The following RAP1GAP2 variants were observed in gnomAD, a reference collection of about 807,000 sequenced individuals.
RAP1GAP2 encodes the protein rap1 GTPase-activating protein 2.
A neutral mutation model predicts 95.0 loss-of-function variants in RAP1GAP2; 27 were observed. That is an observed-to-expected ratio of 0.28 (90% CI 0.21 to 0.39). RAP1GAP2 has a LOEUF of 0.39. Ranked by LOEUF, RAP1GAP2 falls within the 10% of genes least tolerant of loss-of-function variation. The probability of loss-of-function intolerance (pLI) is 1.00; values close to 1 mark genes in which losing one functional copy is unlikely to be tolerated. For missense variants in RAP1GAP2, 771 were observed against 970.0 expected (o/e 0.79, Z 2.72); for synonymous variants, 373 against 380.9 (o/e 0.98, Z 0.24).
At chr17:2,806,458 T>C (rs2069523325) in intron 2 of RAP1GAP2, among the ~76,000 whole-genome samples, 1 of 151,010 alleles carries the variant, frequency 6.6e-6, no homozygotes. Context: ...AGTGGTGAAA[T>C]TTCGGCTCAC....
chr17:2,977,746 T>TAAA (rs35219186), intron 8 of RAP1GAP2, among the ~76,000 whole-genome samples: 3 of 76,856 alleles, frequency 3.9e-5, no homozygotes, highest in South Asian at 4.4e-4. Context: ...GACTCCGTCT[T>TAAA]AAAAAAAAAA....
chr17:2,850,201 C>T (rs970989822), intron 2 of RAP1GAP2, among the ~76,000 whole-genome samples: 3 of 150,880 alleles, frequency 2.0e-5, no homozygotes, highest in East Asian at 2.0e-4. Context: ...GGGGTTTCAC[C>T]ATGTTAGCCA....
rs997878223 is a variant in RAP1GAP2, at chr17:2,855,402, A to G, written c.81-49882A>G. Reference sequence around the variant, plus strand: ...AAACACTTGCTAATCTTCCTTTTGTAATTAAGAGAGAGCAGACCTCCGGCT... The same window carrying G: ...AAACACTTGCTAATCTTCCTTTTGTGATTAAGAGAGAGCAGACCTCCGGCT... On this transcript the variant is annotated intron_variant, in intron 2 of 24. Transcript: ENST00000254695. The surrounding 1 kb of genome is among the most constrained non-coding windows in gnomAD (Gnocchi z 4.3). Among the ~76,000 whole-genome samples, 1 of 152,178 alleles carries G rather than the reference A, an allele frequency of 6.6e-6. No individual in the cohort carries two copies. Among genetic ancestry groups the G allele is most frequent in the Non-Finnish European group, 1.5e-5 (1 of 68,040 alleles).
intron 2 of RAP1GAP2, among the ~76,000 whole-genome samples, chr17:2,860,996 G>A (rs1217822030): frequency 6.6e-6 from 1 of 152,028 alleles, no homozygotes; most frequent in Admixed American, 6.6e-5. Flanking sequence ...CCAACTTGTC[G>A]TCCTTTCCTC....
At chr17:2,850,648 G>A (rs1286143503) in intron 2 of RAP1GAP2, among the ~76,000 whole-genome samples, 1 of 150,538 alleles carries the variant, frequency 6.6e-6, no homozygotes, top group East Asian at 2.0e-4. Flanking sequence ...TACTCGGGAG[G>A]CTGAGGCAGG....
intron 10 of RAP1GAP2, among the ~76,000 whole-genome samples, chr17:2,981,644 G>C: frequency 6.6e-6 from 1 of 152,170 alleles, no homozygotes; most frequent in East Asian, 1.9e-4. Context: ...ACACCAAGAA[G>C]AGAAAGGCCA....
At position 2,965,196 on chromosome 17, in the gene RAP1GAP2, G is replaced by A. The variant is rs1476289458; in HGVS notation, c.493-344G>A. On this transcript the variant is annotated intron_variant, in intron 7 of 24. Coordinates refer to ENST00000254695, the MANE Select transcript of RAP1GAP2 (RefSeq NM_015085.5). The surrounding 1 kb of genome is among the most constrained non-coding windows in gnomAD (Gnocchi z 4.7). Reference sequence around the variant, plus strand: ...CCCTTCAGAGTCAAGACAGCTGTGCGTTTGAACCCTGGATCTGTCCCTTAC... The same window carrying A: ...CCCTTCAGAGTCAAGACAGCTGTGCATTTGAACCCTGGATCTGTCCCTTAC... 4 of 267,234 alleles carry A rather than the reference G, an allele frequency of 1.5e-5. No individual in the cohort carries two copies. Among genetic ancestry groups the A allele is most frequent in the Non-Finnish European group, 2.9e-5 (4 of 138,156 alleles). 16.6% of individuals were successfully genotyped at this position (267,234 alleles called of 1,614,324 possible). A position where few individuals can be genotyped will look rare whatever the true frequency, so the allele number is the denominator to read the frequency against.
At chr17:2,998,424 C>A in intron 14 of RAP1GAP2, 48 bp downstream of exon 14, 1 of 1,591,210 alleles carries the variant, frequency 6.3e-7, no homozygotes, top group Non-Finnish European at 8.6e-7. Flanking sequence ...CGACACCTCA[C>A]CCTGTGTGGA....
chr17:2,938,222 G>A (rs920582619), intron 3 of RAP1GAP2, among the ~76,000 whole-genome samples: 1 of 152,126 alleles, frequency 6.6e-6, no homozygotes, highest in Non-Finnish European at 1.5e-5. Flanking sequence ...AGAAACTGAG[G>A]CTCAGAGGCT....
At chr17:2,776,928 C>T (rs1252469042), upstream of RAP1GAP2, 1 of 152,998 alleles carries the variant, frequency 6.5e-6, no homozygotes, top group Non-Finnish European at 1.5e-5. Context: ...GAGGCAGCCG[C>T]GCGCCAGGCG....
intron 3 of RAP1GAP2, among the ~76,000 whole-genome samples, chr17:2,945,351 C>T (rs1394223711): frequency 2.0e-5 from 3 of 152,162 alleles, no homozygotes. Context: ...ATTTTGCAGA[C>T]TTCCTTTATC....
At chr17:2,925,130 G>A (rs1490890305) in intron 3 of RAP1GAP2, among the ~76,000 whole-genome samples, 1 of 152,160 alleles carries the variant, frequency 6.6e-6, no homozygotes, top group Non-Finnish European at 1.5e-5. Flanking sequence ...TGTCTGCTTG[G>A]CCTCGTGCTT....
Position 3,005,323 on chromosome 17 carries a change from C to G in RAP1GAP2, c.1201-46C>G, listed in dbSNP as rs769521452. On this transcript the variant is annotated intron_variant, in intron 14 of 24. Coordinates refer to ENST00000254695, the MANE Select transcript of RAP1GAP2 (RefSeq NM_015085.5). The surrounding 1 kb of genome is among the most constrained non-coding windows in gnomAD (Gnocchi z 5.2). Reference sequence around the variant, plus strand: ...GAGCGTGGCTCCCGTAGGGGCAGCGCTCGTCTCTTCCCTCCAGGTCCGTAC... The same window carrying G: ...GAGCGTGGCTCCCGTAGGGGCAGCGGTCGTCTCTTCCCTCCAGGTCCGTAC... 1.3e-6 allele frequency: 2 copies of G among 1,573,564 alleles called. No individual in the cohort carries two copies. The highest frequency in any genetic ancestry group is 2.2e-5 in the South Asian group (2 of 90,262).
At position 2,901,176 on chromosome 17, in the gene RAP1GAP2, A is replaced by G. The variant is rs546902464; in HGVS notation, c.81-4108A>G. Among the ~76,000 whole-genome samples the G allele has an allele frequency of 3.3e-5, 5 of 152,092 alleles. No individual in the cohort carries two copies. The South Asian group carries it at 1.0e-3, about 32-fold the overall frequency. On this transcript the variant is annotated intron_variant, in intron 2 of 24. Coordinates refer to ENST00000254695, the MANE Select transcript of RAP1GAP2 (RefSeq NM_015085.5). ...CCTGAGCCTCCCCATCTGCCCTTGG[A>G]TCTCCTGTGCTTCTAGGGAGGAAAA... is the stretch of plus-strand genomic sequence containing the variant.
chr17:2,843,530 A>C (rs1449063690), intron 2 of RAP1GAP2, among the ~76,000 whole-genome samples: 1 of 151,584 alleles, frequency 6.6e-6, no homozygotes, highest in African/African-American at 2.4e-5. Flanking sequence ...CAAGTGATCC[A>C]CCCACCTCAG....
intron 2 of RAP1GAP2, among the ~76,000 whole-genome samples, chr17:2,875,130 G>A (rs559576193): frequency 3.2e-4 from 49 of 152,218 alleles, no homozygotes; most frequent in Admixed American, 6.5e-4. Flanking sequence ...GCAATGGTGC[G>A]ATCTCGGCTC....
intron 3 of RAP1GAP2, among the ~76,000 whole-genome samples, chr17:2,911,418 G>A (rs555042175): frequency 6.6e-6 from 1 of 152,072 alleles, no homozygotes; most frequent in Non-Finnish European, 1.5e-5. Flanking sequence ...GAATACCGTA[G>A]GTGGTTTCCA....
chr17:2,882,779 A>G (rs1268133705), intron 2 of RAP1GAP2, among the ~76,000 whole-genome samples: 1 of 151,968 alleles, frequency 6.6e-6, no homozygotes, highest in Non-Finnish European at 1.5e-5. Context: ...GGAGTGATGG[A>G]ACAGTTAGGG....
chr17:2,952,864 G>A (rs1188108802), intron 3 of RAP1GAP2, among the ~76,000 whole-genome samples: 2 of 151,996 alleles, frequency 1.3e-5, no homozygotes, highest in Non-Finnish European at 2.9e-5. Context: ...GAGTGCAGTG[G>A]TGGGATCTCA....
Sources: allele counts gnomAD v4.1 joint callset (sites outside exome capture counted in the v4.1 genomes callset), GRCh38; gene constraint gnomAD v4.1.1; non-coding constraint Gnocchi (gnomAD v3.1); transcripts MANE v1.5; gene names NCBI Gene and HGNC (gene_info 2026-07-23, HGNC 2026-07-21).